The following FAM228B variants were observed in gnomAD, a reference collection of about 807,000 sequenced individuals.
FAM228B encodes family with sequence similarity 228 member B.
FAM228B carries 38 observed loss-of-function variants against 42.6 expected under a neutral mutation model. That is an observed-to-expected ratio of 0.89 (90% CI 0.69 to 1.17). The LOEUF is 1.17. Among genes scored for constraint, FAM228B ranks in the 50% most tolerant of loss-of-function variants. FAM228B has a pLI of 0.00. For missense variants in FAM228B, 344 were observed against 367.3 expected, an observed-to-expected ratio of 0.94 and a Z score of 0.52; for synonymous variants, 109 against 122.3, an observed-to-expected ratio of 0.89 and a Z score of 0.72.
At chr2:24,098,832 A>T (rs183740159) in intron 3 of FAM228B, among the ~76,000 whole-genome samples, 2 of 152,342 alleles carry the variant, frequency 1.3e-5, no homozygotes, top group East Asian at 3.9e-4. Context: ...ACAACAAAAA[A>T]AGAGAATTTT....
chr2:24,077,443 CTCTT>C lies in FAM228B; in HGVS notation c.-290+476_-290+479del, dbSNP rs1248618097. On this transcript the variant is annotated intron_variant, in intron 1 of 10. Coordinates refer to the FAM228B transcript ENST00000613899. The surrounding 1 kb of genome is among the most constrained non-coding windows in gnomAD (Gnocchi z 5.5). ...GTCCGCGTGCCACCCTTCCAGTTCA[CTCTT>C]TATTTCCTCATATCAGCTTTAAACG... The C allele has an allele frequency of 2.9e-5, 32 of 1,094,710 alleles. No homozygotes were observed. The highest frequency in any genetic ancestry group is 3.7e-5 in the Non-Finnish European group (30 of 810,824). 67.8% of individuals were successfully genotyped at this position (1,094,710 alleles called of 1,614,324 possible).
upstream of FAM228B, chr2:24,122,466 T>C (rs150056793): frequency 9.9e-6 from 16 of 1,613,966 alleles, no homozygotes; most frequent in Non-Finnish European, 1.4e-5. Context: ...TGGATTTTGA[T>C]GAGGGCTGCA....
chr2:24,095,778 C>T lies in FAM228B; in HGVS notation c.-121+549C>T, dbSNP rs1665485313. 1 of 152,294 alleles carries T rather than the reference C, an allele frequency of 6.6e-6. No homozygotes were observed. Among genetic ancestry groups the T allele is most frequent in the South Asian group, 2.1e-4 (1 of 4,838 alleles). 9.4% of individuals were successfully genotyped at this position (152,294 alleles called of 1,614,324 possible). ...TGGTTCTCTCAGCACGGTGTTTGAG[C>T]TCTGAGAACGGACAGACTGCCTCCT... On this transcript the variant is annotated intron_variant, in intron 3 of 10. Coordinates refer to the FAM228B transcript ENST00000613899. The surrounding 1 kb of genome is among the most constrained non-coding windows in gnomAD (Gnocchi z 4.8).
At chr2:24,086,094 G>C (rs910523839) in intron 2 of FAM228B, among the ~76,000 whole-genome samples, 1 of 152,024 alleles carries the variant, frequency 6.6e-6, no homozygotes. Flanking sequence ...AATTAGCCGG[G>C]CGTGGTGGCG....
At chr2:24,128,733 C>T (rs1666374469) in intron 2 of FAM228B, among the ~76,000 whole-genome samples, 1 of 151,704 alleles carries the variant, frequency 6.6e-6, no homozygotes, top group Non-Finnish European at 1.5e-5. Flanking sequence ...ACAGATTTCC[C>T]ATAAATATTT....
At chr2:24,164,859 C>T (rs1667366665) in intron 9 of FAM228B, among the ~76,000 whole-genome samples, 1 of 152,148 alleles carries the variant, frequency 6.6e-6, no homozygotes. Flanking sequence ...CCCACGCTTC[C>T]TCACTCGGCA....
Position 24,164,564 on chromosome 2 carries a change from C to CACACGATGAGGGTGCCCCCTGGTGGAGT in FAM228B, c.932+229_932+230insACACGATGAGGGTGCCCCCTGGTGGAGT, listed in dbSNP as rs1667357258. Among the ~76,000 whole-genome samples, 8 of 6,960 alleles carry CACACGATGAGGGTGCCCCCTGGTGGAGT rather than the reference C, an allele frequency of 1.1e-3. 1 individual carries two copies. In the South Asian group the frequency reaches 0.11, roughly 97 times the overall value. 4.6% of individuals were successfully genotyped at this position (6,960 alleles called of 152,430 possible). On this transcript the variant is annotated intron_variant, in intron 9 of 10. Coordinates refer to ENST00000615575, the MANE Select transcript of FAM228B (RefSeq NM_001145710.2). ...ACGATGAGGGTGCCCCCTGGTGGAG[C>CACACGATGAGGGTGCCCCCTGGTGGAGT]CACACGATGAGGGTGCCCCCTGGTG...
intron 2 of FAM228B, among the ~76,000 whole-genome samples, chr2:24,092,312 G>T (rs6545267): frequency 0.12 from 18,011 of 150,498 alleles, 1,248 homozygotes; most frequent in South Asian, 0.18. Context: ...TAGTGGCTCA[G>T]GCCTGTAATC....
upstream of FAM228B, chr2:24,121,185 T>C: frequency 6.2e-7 from 1 of 1,614,130 alleles, no homozygotes; most frequent in Non-Finnish European, 8.5e-7. Context: ...AAGAGAATAT[T>C]CATCTGCCCG....
chr2:24,156,181 C>T (rs913207665), intron 7 of FAM228B, among the ~76,000 whole-genome samples: 4 of 152,166 alleles, frequency 2.6e-5, no homozygotes, highest in Non-Finnish European at 5.9e-5. Flanking sequence ...TCAACCTATC[C>T]AAAAGTGAGC....
At chr2:24,138,167 A>G in intron 4 of FAM228B, 67 bp downstream of exon 4, 3 of 1,240,274 alleles carry the variant, frequency 2.4e-6, no homozygotes, top group Non-Finnish European at 3.4e-6. Flanking sequence ...GTTCATTTAT[A>G]ATCATTCAGT....
intron 3 of FAM228B, among the ~76,000 whole-genome samples, chr2:24,100,450 A>T (rs899039014): frequency 1.3e-5 from 2 of 152,252 alleles, no homozygotes; most frequent in Non-Finnish European, 2.9e-5. Context: ...AAAGTGGGTG[A>T]AGGATATGAA....
intron 8 of FAM228B, 58 bp from the exon 9 acceptor site, chr2:24,164,140 G>C: frequency 7.1e-7 from 1 of 1,407,156 alleles, no homozygotes; most frequent in South Asian, 1.5e-5. Flanking sequence ...AAAATATTAA[G>C]TGCTACAGTT....
chr2:24,089,393 A>G (rs1350154205), intron 2 of FAM228B, among the ~76,000 whole-genome samples: 1 of 152,164 alleles, frequency 6.6e-6, no homozygotes, highest in Non-Finnish European at 1.5e-5. Flanking sequence ...ATTATGTGAA[A>G]TTCTACAGCA....
upstream of FAM228B, among the ~76,000 whole-genome samples, chr2:24,119,980 T>C (rs1399491392): frequency 6.6e-6 from 1 of 152,116 alleles, no homozygotes; most frequent in East Asian, 1.9e-4. Flanking sequence ...TTAGAACAAC[T>C]GATGTAGGCC....
chr2:24,159,611 A>G (rs1667241570), intron 7 of FAM228B, among the ~76,000 whole-genome samples: 1 of 152,232 alleles, frequency 6.6e-6, no homozygotes, highest in South Asian at 2.1e-4. Flanking sequence ...GGAGTTCGGT[A>G]CAGTTCTGTA....
Position 24,124,372 on chromosome 2 carries a change from T to TGTC in FAM228B, c.11_12insGTC (p.Val4_Asp5insSer), listed in dbSNP as rs1448225285. On this transcript the variant is annotated inframe_insertion, in exon 2 of 11. Transcript: ENST00000615575. ...TTATTTGTGACCACAATGAAAAATG[T>TGTC]AGACAGTGATGATCTGGTAACTGGC... 1.3e-6 allele frequency: 2 copies of TGTC among 1,548,542 alleles called. No homozygotes were observed. The highest frequency in any genetic ancestry group is 1.7e-6 in the Non-Finnish European group (2 of 1,145,844).
chr2:24,122,441 C>A, upstream of FAM228B: 1 of 1,613,668 alleles, frequency 6.2e-7, no homozygotes, highest in Non-Finnish European at 8.5e-7. Flanking sequence ...TGATGCTACA[C>A]ACAAGCTCCG....
chr2:24,162,630 T>C (rs760914643), intron 8 of FAM228B, among the ~76,000 whole-genome samples: 11 of 152,152 alleles, frequency 7.2e-5, no homozygotes, highest in Non-Finnish European at 1.6e-4. Context: ...TGGATGTTCA[T>C]AGCAGCATTA....
Sources: allele counts gnomAD v4.1 joint callset (sites outside exome capture counted in the v4.1 genomes callset), GRCh38; gene constraint gnomAD v4.1.1; non-coding constraint Gnocchi (gnomAD v3.1); transcripts MANE v1.5; gene names NCBI Gene and HGNC (gene_info 2026-07-23, HGNC 2026-07-21).